RBFOX1: variants seen among roughly 807,000 people sequenced by gnomAD.
The protein encoded by RBFOX1 is RNA binding fox-1 homolog 1.
A neutral mutation model predicts 57.7 loss-of-function variants in RBFOX1; 8 were observed. The ratio of observed to expected loss-of-function variants is 0.14; its 90% CI spans 0.08 to 0.25. The LOEUF is 0.25. Among genes scored for constraint, RBFOX1 ranks in the 10% least tolerant of loss-of-function variants. RBFOX1 has a pLI of 1.00. For missense variants in RBFOX1, 611 were observed against 548.5 expected (o/e 1.11, Z -1.14); for synonymous variants, 326 against 222.4 (o/e 1.47, Z -4.15).
chr16:5,318,654 A>G (rs2064310876), intron 1 of RBFOX1, among the ~76,000 whole-genome samples: 2 of 152,360 alleles, frequency 1.3e-5, no homozygotes, highest in South Asian at 2.1e-4. Context: ...CTTGTGGTAG[A>G]CAGACTTCTA....
intron 4 of RBFOX1, among the ~76,000 whole-genome samples, chr16:7,414,241 G>A (rs910452537): frequency 1.3e-5 from 2 of 152,318 alleles, no homozygotes; most frequent in South Asian, 2.1e-4. Context: ...GGACAAAACC[G>A]AGTGCTCACC....
At chr16:7,228,033 G>A (rs1473076074) in intron 4 of RBFOX1, among the ~76,000 whole-genome samples, 1 of 152,068 alleles carries the variant, frequency 6.6e-6, no homozygotes. Context: ...CACCCACCAG[G>A]TTGTGATGAC....
chr16:5,449,813 G>T (rs911848866), intron 1 of RBFOX1, among the ~76,000 whole-genome samples: 12 of 151,922 alleles, frequency 7.9e-5, no homozygotes, highest in Non-Finnish European at 1.8e-4. Context: ...TCACTATGTT[G>T]CCCAGTCTGG....
At chr16:6,614,041 G>C (rs962359184) in intron 2 of RBFOX1, among the ~76,000 whole-genome samples, 2 of 152,164 alleles carry the variant, frequency 1.3e-5, no homozygotes, top group African/African-American at 2.4e-5. Context: ...AGTGAGTTTA[G>C]GTGAAACTTT....
intron 3 of RBFOX1, among the ~76,000 whole-genome samples, chr16:6,776,851 A>G (rs2079458914): frequency 1.3e-5 from 2 of 152,196 alleles, no homozygotes; most frequent in African/African-American, 4.8e-5. Context: ...TTTTCTTCGT[A>G]GCATTGTGAA....
intron 13 of RBFOX1, among the ~76,000 whole-genome samples, chr16:7,667,120 A>G (rs1441269738): frequency 6.6e-6 from 1 of 152,220 alleles, no homozygotes; most frequent in Non-Finnish European, 1.5e-5. Flanking sequence ...TGCAATATGA[A>G]TTTAGAGATT....
chr16:6,940,513 T>C (rs1438514084), intron 3 of RBFOX1, among the ~76,000 whole-genome samples: 1 of 152,178 alleles, frequency 6.6e-6, no homozygotes, highest in African/African-American at 2.4e-5. Context: ...AGAATAATTC[T>C]CTATACTTTG....
intron 4 of RBFOX1, among the ~76,000 whole-genome samples, chr16:7,059,604 G>A (rs931644675): frequency 6.6e-5 from 10 of 152,154 alleles, no homozygotes; most frequent in African/African-American, 2.4e-4. Context: ...CTGTGTAAAA[G>A]GGTATGAATA....
chr16:6,259,775 T>C (rs1230432685), intron 1 of RBFOX1, among the ~76,000 whole-genome samples: 1 of 151,964 alleles, frequency 6.6e-6, no homozygotes, highest in Non-Finnish European at 1.5e-5. Context: ...CTGGCAAACA[T>C]GCTGAGACGC....
At chr16:7,009,984 C>T (rs1310348606) in intron 3 of RBFOX1, among the ~76,000 whole-genome samples, 1 of 151,996 alleles carries the variant, frequency 6.6e-6, no homozygotes, top group East Asian at 1.9e-4. Flanking sequence ...GTAAGGCTTC[C>T]TGTGCTAAAA....
intron 4 of RBFOX1, among the ~76,000 whole-genome samples, chr16:7,164,556 C>G (rs964612138): frequency 3.3e-5 from 5 of 152,140 alleles, no homozygotes; most frequent in African/African-American, 1.2e-4. Flanking sequence ...AATTTATATA[C>G]TATGTGTGAA....
Position 7,653,761 on chromosome 16 carries a change from G to C in RBFOX1, c.758-54G>C, listed in dbSNP as rs576108643. 1,011 of 1,598,946 alleles carry C rather than the reference G, an allele frequency of 6.3e-4. 3 individuals are homozygous for C. The African/African-American group carries it at 0.011, about 17-fold the overall frequency. ...TCCCGGGGCAGTTCCCTCCACAGCAGGGTGTGCATCTGACAGCCTGTGCTC... is the reference window on the plus strand; with the variant it reads ...TCCCGGGGCAGTTCCCTCCACAGCACGGTGTGCATCTGACAGCCTGTGCTC... On this transcript the variant is annotated intron_variant, in intron 11 of 15. Transcript: ENST00000550418.
chr16:6,615,833 C>G (rs894756464), intron 2 of RBFOX1, among the ~76,000 whole-genome samples: 3 of 152,162 alleles, frequency 2.0e-5, no homozygotes, highest in Non-Finnish European at 4.4e-5. Context: ...TCCCTTCTCA[C>G]AGGCACTGTC....
chr16:6,866,541 A>AATT (rs761820657), intron 3 of RBFOX1, among the ~76,000 whole-genome samples: 1 of 78,886 alleles, frequency 1.3e-5, no homozygotes, highest in African/African-American at 5.6e-5. Flanking sequence ...CTTTCCTTCT[A>AATT]TTTTTTTTTT....
intron 4 of RBFOX1, among the ~76,000 whole-genome samples, chr16:7,516,064 C>T (rs751969570): frequency 9.2e-5 from 14 of 152,122 alleles, no homozygotes; most frequent in Non-Finnish European, 2.1e-4. Context: ...AGTCTGGTCT[C>T]GAACTCCTGA....
intron 4 of RBFOX1, among the ~76,000 whole-genome samples, chr16:7,337,690 G>C (rs548989647): frequency 6.6e-6 from 1 of 152,194 alleles, no homozygotes; most frequent in South Asian, 2.1e-4. Flanking sequence ...TTGTTTGTTT[G>C]TTTGCTTGTT....
intron 3 of RBFOX1, among the ~76,000 whole-genome samples, chr16:6,934,855 G>T (rs1397394363): frequency 6.6e-6 from 1 of 152,122 alleles, no homozygotes; most frequent in African/African-American, 2.4e-5. Flanking sequence ...GAAGGCCGAG[G>T]CTGGCAGATG....
At chr16:6,753,847 C>A (rs182349238) in intron 3 of RBFOX1, among the ~76,000 whole-genome samples, 17 of 152,134 alleles carry the variant, frequency 1.1e-4, no homozygotes, top group Admixed American at 3.9e-4. Flanking sequence ...GGGATTTTTG[C>A]CGAGCTGAGT....
intron 3 of RBFOX1, among the ~76,000 whole-genome samples, chr16:6,937,095 T>TA (rs941868118): frequency 6.6e-6 from 1 of 151,740 alleles, no homozygotes; most frequent in Non-Finnish European, 1.5e-5. Flanking sequence ...AGTATGATAA[T>TA]AAAAAAATAA....
Sources: gnomAD v4.1 joint callset for allele counts (sites outside exome capture counted in the v4.1 genomes callset) on GRCh38, gnomAD v4.1.1 for gene constraint, MANE v1.5 for transcripts, NCBI Gene and HGNC (gene_info 2026-07-23, HGNC 2026-07-21) for gene names.